PCSK6: variants seen among roughly 807,000 people sequenced by gnomAD.
PCSK6 encodes the protein proprotein convertase subtilisin/kexin type 6, also known as paired basic amino acid cleaving enzyme 4.
PCSK6 carries 85 observed loss-of-function variants against 123.3 expected under a neutral mutation model. The ratio of observed to expected loss-of-function variants is 0.69; its 90% CI spans 0.58 to 0.83. PCSK6 has a LOEUF of 0.83. Ranked by LOEUF, PCSK6 falls within the 40% of genes least tolerant of loss-of-function variation. PCSK6 has a pLI of 0.00. For synonymous variants in PCSK6, 508 were observed against 516.0 expected (o/e 0.98, Z 0.21); for missense variants, 1,191 against 1,282.3 (o/e 0.93, Z 1.09).
intron 15 of PCSK6, among the ~76,000 whole-genome samples, chr15:101,329,518 G>C (rs146189525): frequency 6.6e-6 from 1 of 152,198 alleles, no homozygotes; most frequent in Non-Finnish European, 1.5e-5. Flanking sequence ...CTGAGCAAGC[G>C]ACCTGAGGCT....
intron 11 of PCSK6, among the ~76,000 whole-genome samples, chr15:101,378,745 A>G (rs972430159): frequency 4.6e-5 from 7 of 152,192 alleles, no homozygotes; most frequent in Non-Finnish European, 8.8e-5. Flanking sequence ...GGGTGGATCC[A>G]TACACAGACA....
At chr15:101,406,734 G>A (rs1474248298) in intron 6 of PCSK6, among the ~76,000 whole-genome samples, 1 of 152,134 alleles carries the variant, frequency 6.6e-6, no homozygotes, top group Non-Finnish European at 1.5e-5. Context: ...AGTTGTCAAG[G>A]CAGACCTACG....
At chr15:101,311,041 C>T (rs1389290378) in intron 20 of PCSK6, among the ~76,000 whole-genome samples, 1 of 152,126 alleles carries the variant, frequency 6.6e-6, no homozygotes, top group Non-Finnish European at 1.5e-5. Flanking sequence ...CATAAATGGC[C>T]TCACACCATC....
chr15:101,489,445 CCG>C lies in PCSK6; in HGVS notation c.224_225del (p.Ala75GlyfsTer41). 1 of 1,244,140 alleles carries C rather than the reference CCG, an allele frequency of 8.0e-7. No homozygotes were observed. The highest frequency in any genetic ancestry group is 3.7e-5 in the Admixed American group (1 of 26,752). The allele number at this position is 1,244,140 out of a possible 1,614,324, so 77.1% of individuals were successfully genotyped here. On this transcript the variant is annotated frameshift_variant, in exon 1 of 22. Transcript: ENST00000611716. LOFTEE classifies it high-confidence loss of function. ...PPRPVYTNHW[A>X]VQVLGGPAEA... ...TCGGCCGGGCCGCCCAGCACTTGCA[CCG>C]CCCAGTGGTTGGTGTAGACGGGGCG...
At chr15:101,392,713 C>T (rs747065623) in intron 8 of PCSK6, among the ~76,000 whole-genome samples, 4 of 150,606 alleles carry the variant, frequency 2.7e-5, no homozygotes, top group Non-Finnish European at 5.9e-5. Context: ...CTTAAGTAAG[C>T]GGAACAGACA....
intron 18 of PCSK6, among the ~76,000 whole-genome samples, chr15:101,320,797 A>C (rs1218453273): frequency 1.3e-5 from 2 of 152,122 alleles, no homozygotes; most frequent in Admixed American, 6.5e-5. Context: ...GCTTAAGAGG[A>C]TATTGGGCAA....
chr15:101,443,691 T>C, intron 1 of PCSK6, 31 bp from the exon 2 acceptor site: 1 of 1,513,956 alleles, frequency 6.6e-7, no homozygotes. Flanking sequence ...TGCCATCAAT[T>C]AATAGTCTCA....
intron 6 of PCSK6, among the ~76,000 whole-genome samples, chr15:101,418,369 A>G (rs2055962659): frequency 6.6e-6 from 1 of 152,192 alleles, no homozygotes. Flanking sequence ...AACATCACAA[A>G]ACACAGAAAC....
At chr15:101,311,535 G>A (rs937274900) in intron 20 of PCSK6, among the ~76,000 whole-genome samples, 4 of 152,022 alleles carry the variant, frequency 2.6e-5, no homozygotes, top group Non-Finnish European at 5.9e-5. Context: ...TTCCTATGAA[G>A]CCTACAGAAC....
intron 6 of PCSK6, among the ~76,000 whole-genome samples, chr15:101,422,246 G>A (rs1002023583): frequency 6.6e-6 from 1 of 152,218 alleles, no homozygotes; most frequent in Non-Finnish European, 1.5e-5. Flanking sequence ...TCAGAAAGGA[G>A]AGATCTACAG....
Position 101,324,974 on chromosome 15 carries a change from C to G in PCSK6, c.2253G>C (p.Lys751Asn). 1 of 1,613,196 alleles carries G rather than the reference C, an allele frequency of 6.2e-7. No homozygotes were observed. The highest frequency in any genetic ancestry group is 8.5e-7 in the Non-Finnish European group (1 of 1,179,886). ...TAARRCRRCH[K>N]GCETCSSRAA... The stretch of plus-strand genomic sequence containing the variant: ...CTCTGCTGGAGCAGGTCTCACACCC[C>G]TTGTGGCACCGGCGACAGCGTCTTG... The change falls in exon 17 of 22, where the codon AAG becomes AAC. Residue 751 changes from lysine to asparagine, a missense_variant. Lys to Asn is a moderately conservative substitution (Grantham distance 94). Around this residue, in one of 3 missense-constraint regions of PCSK6, gnomAD observed 630 missense variants for 631.4 expected, o/e 1.00. Transcript: ENST00000611716.
chr15:101,342,847 G>C (rs143498364), intron 13 of PCSK6, among the ~76,000 whole-genome samples: 2,913 of 152,120 alleles, frequency 0.019, 100 homozygotes, highest in African/African-American at 0.067. Flanking sequence ...AGTTACAGTG[G>C]GCTGAGATTG....
intron 6 of PCSK6, among the ~76,000 whole-genome samples, chr15:101,402,471 G>A (rs1371216029): frequency 1.3e-5 from 2 of 152,094 alleles, no homozygotes; most frequent in Admixed American, 6.5e-5. Context: ...ACTACCATCA[G>A]AGTGAACAGG....
chr15:101,386,033 G>A (rs1237967717), intron 9 of PCSK6, among the ~76,000 whole-genome samples: 1 of 151,172 alleles, frequency 6.6e-6, no homozygotes. Context: ...TTTCCTTCCA[G>A]ACCATCTTCC....
At position 101,384,319 on chromosome 15, in the gene PCSK6, C is replaced by T; in HGVS notation, c.1414+3G>A. 3.1e-6 allele frequency: 5 copies of T among 1,613,430 alleles called. No homozygotes were observed. The highest frequency in any genetic ancestry group is 1.1e-5 in the South Asian group (1 of 90,982). On this transcript the variant is annotated splice_donor_region_variant and intron_variant, in intron 10 of 21. Coordinates refer to ENST00000611716, the MANE Select transcript of PCSK6 (RefSeq NM_002570.5). ...ATGGTCCACCAGAACGCCACTGCCG[C>T]ACCTTTATGACCCGCGCCGTTCACT...
At chr15:101,337,976 T>C (rs563811093) in intron 13 of PCSK6, among the ~76,000 whole-genome samples, 61 of 152,348 alleles carry the variant, frequency 4.0e-4, no homozygotes, top group African/African-American at 1.3e-3. Flanking sequence ...CTGGATTACT[T>C]TTTCCCAATA....
chr15:101,318,815 C>T (rs567534202), intron 18 of PCSK6, among the ~76,000 whole-genome samples: 3 of 152,352 alleles, frequency 2.0e-5, no homozygotes, highest in African/African-American at 7.2e-5. Context: ...GCATTTATGG[C>T]GTGTGACGGG....
At chr15:101,456,258 C>T (rs1040556693) in intron 1 of PCSK6, among the ~76,000 whole-genome samples, 3 of 124,524 alleles carry the variant, frequency 2.4e-5, no homozygotes, top group African/African-American at 7.8e-5. Context: ...CACGTAACAG[C>T]AGCTTATCAA....
At chr15:101,442,404 T>G (rs910347229) in intron 2 of PCSK6, among the ~76,000 whole-genome samples, 1 of 152,148 alleles carries the variant, frequency 6.6e-6, no homozygotes, top group Non-Finnish European at 1.5e-5. Context: ...ACAGCCCAGG[T>G]CCATGGGTGA....
Sources: gnomAD v4.1 joint callset for allele counts (sites outside exome capture counted in the v4.1 genomes callset) on GRCh38, gnomAD v4.1.1 for gene constraint, gnomAD v4.1.1 regional missense constraint, MANE v1.5 for transcripts, NCBI Gene and HGNC (gene_info 2026-07-23, HGNC 2026-07-21) for gene names.